The following MREG variants were observed in gnomAD, a reference collection of about 807,000 sequenced individuals.
MREG encodes the protein melanoregulin.
In MREG, 31 loss-of-function variants were observed where a neutral mutation model predicts 28.5. The observed-to-expected ratio is 1.09, with a 90% CI of 0.82 to 1.47. The LOEUF is 1.47. Ranked by LOEUF, MREG falls within the 40% of genes most tolerant of loss-of-function variation. The probability of loss-of-function intolerance (pLI) is 0.00; values close to 1 mark genes in which losing one functional copy is unlikely to be tolerated. For missense variants in MREG, 256 were observed against 257.4 expected (o/e 0.99, Z 0.04); for synonymous variants, 106 against 95.2 (o/e 1.11, Z -0.66).
downstream of MREG, among the ~76,000 whole-genome samples, chr2:215,942,359 C>T (rs973701337): frequency 3.9e-5 from 6 of 152,128 alleles, no homozygotes; most frequent in South Asian, 4.1e-4. Flanking sequence ...CTGGTCCTGC[C>T]GAGCACACTG....
intron 1 of MREG, among the ~76,000 whole-genome samples, chr2:216,021,667 T>C (rs187715619): frequency 3.3e-5 from 5 of 152,118 alleles, no homozygotes; most frequent in African/African-American, 1.2e-4. Flanking sequence ...TTGTTTAGAG[T>C]ATGGTCTTTG....
chr2:215,987,101 G>A (rs1693591979), intron 2 of MREG, among the ~76,000 whole-genome samples: 1 of 152,096 alleles, frequency 6.6e-6, no homozygotes, highest in Non-Finnish European at 1.5e-5. Flanking sequence ...AGAGTTCCCT[G>A]AAGCAAAAAA....
chr2:215,974,628 A>G (rs1693193150), intron 2 of MREG, among the ~76,000 whole-genome samples: 1 of 152,160 alleles, frequency 6.6e-6, no homozygotes. Flanking sequence ...ACAAAGATCT[A>G]TTAATTAGCA....
At chr2:215,996,509 T>C (rs758486811) in intron 1 of MREG, 44 bp from the exon 2 acceptor site, 2 of 1,431,468 alleles carry the variant, frequency 1.4e-6, no homozygotes, top group Non-Finnish European at 1.9e-6. Flanking sequence ...ATAATATACA[T>C]AAAATGTTAT....
chr2:216,019,285 G>T (rs990180912), intron 1 of MREG, among the ~76,000 whole-genome samples: 2 of 152,130 alleles, frequency 1.3e-5, no homozygotes, highest in African/African-American at 2.4e-5. Context: ...GGCAGGAAAA[G>T]GGTAATTGTG....
chr2:215,939,506 G>A (rs909983611), downstream of MREG: 1 of 152,128 alleles, frequency 6.6e-6, no homozygotes, highest in African/African-American at 2.4e-5. Flanking sequence ...GGCAGTGAAA[G>A]TTTCATTCTT....
chr2:215,999,637 G>A (rs1033139825), intron 1 of MREG, among the ~76,000 whole-genome samples: 1 of 152,218 alleles, frequency 6.6e-6, no homozygotes, highest in African/African-American at 2.4e-5. Context: ...TTATGATTGA[G>A]ATAAAAGTAA....
At chr2:216,030,528 T>C (rs1232110493) in intron 1 of MREG, among the ~76,000 whole-genome samples, 2 of 151,926 alleles carry the variant, frequency 1.3e-5, no homozygotes, top group Non-Finnish European at 2.9e-5. Flanking sequence ...ATGCTAGCTA[T>C]TGTTACCCAA....
At chr2:215,973,540 G>C (rs1693161967) in intron 2 of MREG, among the ~76,000 whole-genome samples, 2 of 152,190 alleles carry the variant, frequency 1.3e-5, no homozygotes, top group African/African-American at 4.8e-5. Flanking sequence ...TTAAGTGATT[G>C]CTGGGAAAGA....
At position 215,996,344 on chromosome 2, in the gene MREG, A is replaced by G. The variant is rs560962551; in HGVS notation, c.217T>C (p.Leu73=). Residue 73 remains leucine (L), a synonymous_variant, in exon 2 of 5, where the codon TTG becomes CTG. Transcript: ENST00000263268. ...EADDDRTLYN[L]IVIRNQQAKD... ...GCCTGCTGATTACGAATGACTATCA[A>G]ATTGTACAGGGTTCTGTCGTCGTCT... is the stretch of plus-strand genomic sequence containing the variant. 3 of 1,613,908 alleles carry G rather than the reference A, an allele frequency of 1.9e-6. No homozygotes were observed. The highest frequency in any genetic ancestry group is 4.5e-5 in the East Asian group (2 of 44,874).
At chr2:216,000,304 A>T (rs542008633) in intron 1 of MREG, among the ~76,000 whole-genome samples, 1 of 152,246 alleles carries the variant, frequency 6.6e-6, no homozygotes, top group South Asian at 2.1e-4. Flanking sequence ...AGCCACTGTT[A>T]TATAACTCAA....
intron 1 of MREG, among the ~76,000 whole-genome samples, chr2:216,031,437 GAAAGAA>G: frequency 8.0e-6 from 1 of 124,950 alleles, no homozygotes. Flanking sequence ...AGAAAAGAAA[GAAAGAA>G]AAAGAAAGAA....
At chr2:215,998,856 T>C (rs967913406) in intron 1 of MREG, among the ~76,000 whole-genome samples, 10 of 152,166 alleles carry the variant, frequency 6.6e-5, no homozygotes, top group Admixed American at 5.2e-4. Flanking sequence ...TGAAGATAAA[T>C]AGGACATTGT....
At chr2:215,985,691 G>A (rs1693550386) in intron 2 of MREG, among the ~76,000 whole-genome samples, 2 of 152,098 alleles carry the variant, frequency 1.3e-5, no homozygotes, top group South Asian at 4.2e-4. Context: ...ATTCCAAGGA[G>A]AATGCAGATT....
upstream of MREG, among the ~76,000 whole-genome samples, chr2:216,033,412 C>T (rs1446613688): frequency 3.3e-5 from 5 of 152,154 alleles, no homozygotes; most frequent in Admixed American, 1.3e-4. Context: ...AGCTGGGATT[C>T]GAACCCAAGC....
At chr2:215,970,145 G>T (rs544362003) in intron 2 of MREG, among the ~76,000 whole-genome samples, 1 of 152,252 alleles carries the variant, frequency 6.6e-6, no homozygotes, top group South Asian at 2.1e-4. Flanking sequence ...TTAAAATGAG[G>T]TTATTCTGGT....
chr2:215,948,016 A>G (rs1692365653), intron 2 of MREG, among the ~76,000 whole-genome samples: 1 of 152,198 alleles, frequency 6.6e-6, no homozygotes, highest in African/African-American at 2.4e-5. Flanking sequence ...AAAGACATTA[A>G]CCACACAGCT....
At chr2:215,972,492 A>G (rs746232720) in intron 2 of MREG, among the ~76,000 whole-genome samples, 1 of 151,976 alleles carries the variant, frequency 6.6e-6, no homozygotes, top group Non-Finnish European at 1.5e-5. Context: ...GATGTACAAA[A>G]ACTAGCCAGG....
chr2:216,020,441 C>A (rs1298038125), intron 1 of MREG, among the ~76,000 whole-genome samples: 1 of 152,158 alleles, frequency 6.6e-6, no homozygotes, highest in Non-Finnish European at 1.5e-5. Flanking sequence ...GAGGATAGCT[C>A]CTTCCCAGAC....
Sources: gnomAD v4.1 joint callset for allele counts (sites outside exome capture counted in the v4.1 genomes callset) on GRCh38, gnomAD v4.1.1 for gene constraint, MANE v1.5 for transcripts, NCBI Gene and HGNC (gene_info 2026-07-23, HGNC 2026-07-21) for gene names.